The following ADAP1 variants were observed in gnomAD, a reference collection of about 807,000 sequenced individuals.
ADAP1 encodes the protein arf-GAP with dual PH domain-containing protein 1.
Under a neutral mutation model 54.9 loss-of-function variants are expected in ADAP1, and 31 were observed. The ratio of observed to expected loss-of-function variants is 0.56; its 90% CI spans 0.42 to 0.76. ADAP1 has a LOEUF of 0.76. Among genes scored for constraint, ADAP1 ranks in the 30% least tolerant of loss-of-function variants. The probability of loss-of-function intolerance (pLI) is 0.00; values close to 1 mark genes in which losing one functional copy is unlikely to be tolerated. For synonymous variants in ADAP1, 313 were observed against 202.6 expected (o/e 1.55, Z -4.63); for missense variants, 535 against 512.4 (o/e 1.04, Z -0.42).
At chr7:912,764 G>A (rs1219596547) in intron 4 of ADAP1, among the ~76,000 whole-genome samples, 3 of 152,086 alleles carry the variant, frequency 2.0e-5, no homozygotes, top group Non-Finnish European at 4.4e-5. Context: ...GCAATGGCGC[G>A]ATCTCGGCTC....
chr7:909,033 G>A (rs1212168770), intron 4 of ADAP1, among the ~76,000 whole-genome samples: 3 of 152,246 alleles, frequency 2.0e-5, no homozygotes, highest in Admixed American at 2.0e-4. Flanking sequence ...CCGGAAGCGC[G>A]CAGGCCGCGG....
At chr7:932,699 G>C (rs1583175494) in intron 2 of ADAP1, among the ~76,000 whole-genome samples, 1 of 152,130 alleles carries the variant, frequency 6.6e-6, no homozygotes, top group Admixed American at 6.6e-5. Flanking sequence ...CCCTGGGTCA[G>C]TGAAGGTGGG....
At chr7:904,655 G>A (rs942321760) in intron 5 of ADAP1, among the ~76,000 whole-genome samples, 1 of 152,220 alleles carries the variant, frequency 6.6e-6, no homozygotes, top group East Asian at 1.9e-4. Flanking sequence ...CATGGGTCTG[G>A]GGCCACCTTG....
At chr7:917,755 G>A (rs1170999263) in intron 4 of ADAP1, among the ~76,000 whole-genome samples, 1 of 151,978 alleles carries the variant, frequency 6.6e-6, no homozygotes, top group Non-Finnish European at 1.5e-5. Context: ...CTTGGGGTGA[G>A]ATTCACAAAT....
chr7:948,010 T>G (rs1259889459), intron 1 of ADAP1, among the ~76,000 whole-genome samples: 2 of 151,312 alleles, frequency 1.3e-5, no homozygotes, highest in Non-Finnish European at 2.9e-5. Flanking sequence ...CACTCCCTCT[T>G]CCGGAGGGGC....
At chr7:909,946 A>G (rs1008587720) in intron 4 of ADAP1, among the ~76,000 whole-genome samples, 1 of 152,274 alleles carries the variant, frequency 6.6e-6, no homozygotes, top group African/African-American at 2.4e-5. Flanking sequence ...AGCTGGGTCC[A>G]GTCCACACCC....
intron 1 of ADAP1, among the ~76,000 whole-genome samples, chr7:948,304 C>A (rs1480765901): frequency 6.6e-6 from 1 of 152,046 alleles, no homozygotes; most frequent in African/African-American, 2.4e-5. Flanking sequence ...TCATTCAGTA[C>A]GGAGCCCACC....
At chr7:954,333 CGCCCGGCA>C in intron 1 of ADAP1, 55 bp downstream of exon 1, 2 of 1,005,310 alleles carry the variant, frequency 2.0e-6, no homozygotes, top group Non-Finnish European at 2.4e-6. Context: ...ACCCAGGACC[CGCCCGGCA>C]CCCCGCGCCC....
intron 4 of ADAP1, among the ~76,000 whole-genome samples, chr7:909,999 G>A (rs1219278850): frequency 4.6e-5 from 7 of 152,280 alleles, no homozygotes; most frequent in Admixed American, 1.3e-4. Flanking sequence ...TCTGCCCACC[G>A]CACGGCTAAG....
At chr7:911,569 G>A (rs993218115) in intron 4 of ADAP1, among the ~76,000 whole-genome samples, 1 of 147,612 alleles carries the variant, frequency 6.8e-6, no homozygotes, top group Non-Finnish European at 1.5e-5. Flanking sequence ...CAGGAAGGGG[G>A]CGGGGGTCCC....
intron 6 of ADAP1, among the ~76,000 whole-genome samples, chr7:903,147 G>A (rs1490933105): frequency 6.6e-6 from 1 of 151,862 alleles, no homozygotes; most frequent in African/African-American, 2.4e-5. Flanking sequence ...CGGAGAGTCT[G>A]CGGCAACACA....
At chr7:905,342 G>A in intron 4 of ADAP1, 170 bp from the exon 5 acceptor site, 2 of 418,260 alleles carry the variant, frequency 4.8e-6, no homozygotes, top group South Asian at 2.5e-5. Context: ...GAGACAGGGA[G>A]ATAGGAAGAT....
intron 4 of ADAP1, among the ~76,000 whole-genome samples, chr7:916,228 G>A (rs1302973507): frequency 2.0e-5 from 3 of 152,190 alleles, no homozygotes; most frequent in Non-Finnish European, 4.4e-5. Flanking sequence ...AAAGGAGGTG[G>A]CCACCAGGAG....
chr7:930,998 A>AAAGGAAGG (rs1167460912), intron 2 of ADAP1, among the ~76,000 whole-genome samples: 2 of 146,974 alleles, frequency 1.4e-5, no homozygotes, highest in African/African-American at 5.0e-5. Flanking sequence ...AAAAAAAGAG[A>AAAGGAAGG]AAGGAAGGAA....
At chr7:914,376 G>A (rs1845845539) in intron 4 of ADAP1, among the ~76,000 whole-genome samples, 1 of 152,220 alleles carries the variant, frequency 6.6e-6, no homozygotes, top group African/African-American at 2.4e-5. Context: ...GGCTCTGGTG[G>A]CAAAGCCAGG....
intron 5 of ADAP1, among the ~76,000 whole-genome samples, 188 bp downstream of exon 5, chr7:904,872 C>T (rs1408319482): frequency 6.6e-6 from 1 of 152,228 alleles, no homozygotes; most frequent in Non-Finnish European, 1.5e-5. Flanking sequence ...GCTGCCCCAC[C>T]CTGGGGGACG....
rs924074518 is a variant in ADAP1, at chr7:926,457, C to A, written c.305+96G>T. ...GCTGGCTTCTCCCCGACCCTGTGGG[C>A]GGCACCCAACTCCCCACCCTGCCGG... On this transcript the variant is annotated intron_variant, in intron 3 of 10. Transcript: ENST00000265846. This position sits in a 1 kb window ranked among gnomAD's most constrained non-coding sequence, Gnocchi z 4.6. 9.2e-7 allele frequency: 1 copy of A among 1,081,244 alleles called. No individual in the cohort carries two copies. The highest frequency in any genetic ancestry group is 1.3e-6 in the Non-Finnish European group (1 of 777,674). 67.0% of individuals were successfully genotyped at this position (1,081,244 alleles called of 1,614,324 possible).
chr7:906,464 A>AGAAAGGAGAAAGGAGAAAGG (rs1845345184), intron 4 of ADAP1, among the ~76,000 whole-genome samples: 1 of 84,564 alleles, frequency 1.2e-5, no homozygotes. Flanking sequence ...AAGGGAAAGG[A>AGAAAGGAGAAAGGAGAAAGG]GAAAGGAGAA....
chr7:920,797 A>G lies in ADAP1; in HGVS notation c.306-747T>C. On this transcript the variant is annotated intron_variant, in intron 3 of 10. Transcript: ENST00000265846. This position sits in a 1 kb window ranked among gnomAD's most constrained non-coding sequence, Gnocchi z 4.5. Reference sequence around the variant, plus strand: ...ACCGTGACTCACTCGAGTGAAGCCAATACCATTGCAGAAACCACGACCCAC... The same window carrying G: ...ACCGTGACTCACTCGAGTGAAGCCAGTACCATTGCAGAAACCACGACCCAC... 4 of 1,550,090 alleles carry G rather than the reference A, an allele frequency of 2.6e-6. No homozygotes were observed. Among genetic ancestry groups the G allele is most frequent in the East Asian group, 2.4e-5 (1 of 40,906 alleles).
Sources: gnomAD v4.1 joint callset for allele counts (sites outside exome capture counted in the v4.1 genomes callset) on GRCh38, gnomAD v4.1.1 for gene constraint, Gnocchi (gnomAD v3.1) non-coding constraint, MANE v1.5 for transcripts, NCBI Gene and HGNC (gene_info 2026-07-23, HGNC 2026-07-21) for gene names.